Variants in TAFA5 observed in about 807,000 individuals in gnomAD.
TAFA5 encodes TAFA chemokine like family member 5, also known as chemokine-like protein TAFA-5.
TAFA5 carries 6 observed loss-of-function variants against 15.3 expected under a neutral mutation model. The ratio of observed to expected loss-of-function variants is 0.39; its 90% CI spans 0.21 to 0.77. The LOEUF is 0.77. Ranked by LOEUF, TAFA5 falls within the 30% of genes least tolerant of loss-of-function variation. The pLI, the probability that TAFA5 is intolerant of heterozygous loss-of-function variation, is 0.41. For missense variants in TAFA5, 161 were observed against 193.1 expected, an observed-to-expected ratio of 0.83 and a Z score of 0.98; for synonymous variants, 103 against 80.7, an observed-to-expected ratio of 1.28 and a Z score of -1.48.
chr22:48,526,983 C>T (rs1921802279), intron 1 of TAFA5, among the ~76,000 whole-genome samples: 1 of 152,152 alleles, frequency 6.6e-6, no homozygotes, highest in Non-Finnish European at 1.5e-5. Context: ...ATTCCTTTCC[C>T]TTAATATATT....
intron 1 of TAFA5, among the ~76,000 whole-genome samples, chr22:48,644,855 C>T (rs770976920): frequency 4.6e-5 from 7 of 152,334 alleles, no homozygotes; most frequent in African/African-American, 7.2e-5. Flanking sequence ...GCACCCACCA[C>T]GGCTTTCCTC....
intron 1 of TAFA5, chr22:48,544,386 C>T (rs2147122523): frequency 2.9e-6 from 1 of 340,928 alleles, no homozygotes; most frequent in East Asian, 7.6e-5. Flanking sequence ...GCAGTTCAGG[C>T]TCTGTCCCCA....
intron 2 of TAFA5, among the ~76,000 whole-genome samples, chr22:48,707,510 G>T (rs1252970274): frequency 2.0e-5 from 3 of 152,166 alleles, no homozygotes; most frequent in Non-Finnish European, 4.4e-5. Context: ...GGCAGAGCGG[G>T]ACTTGGGGAG....
chr22:48,715,537 T>C (rs1483319176), intron 3 of TAFA5, among the ~76,000 whole-genome samples: 7 of 152,210 alleles, frequency 4.6e-5, no homozygotes, highest in African/African-American at 1.7e-4. Context: ...CTCTGCTTCC[T>C]CTCCCTGGCT....
intron 1 of TAFA5, among the ~76,000 whole-genome samples, chr22:48,591,268 AGAG>A (rs1164707734): frequency 6.6e-6 from 1 of 152,242 alleles, no homozygotes; most frequent in Non-Finnish European, 1.5e-5. Context: ...TGAGCCAGGA[AGAG>A]GAGAAGCTTC....
chr22:48,591,438 T>C (rs1924564101), intron 1 of TAFA5, among the ~76,000 whole-genome samples: 1 of 152,244 alleles, frequency 6.6e-6, no homozygotes, highest in Non-Finnish European at 1.5e-5. Context: ...CCCCAGGGCT[T>C]GCGATGCCTC....
At chr22:48,656,418 A>G (rs1927245551) in intron 2 of TAFA5, among the ~76,000 whole-genome samples, 1 of 151,864 alleles carries the variant, frequency 6.6e-6, no homozygotes, top group Admixed American at 6.6e-5. Context: ...AGGCAGGAGA[A>G]TTGCTTGAAC....
intron 1 of TAFA5, among the ~76,000 whole-genome samples, chr22:48,494,983 C>G (rs941254632): frequency 6.6e-6 from 1 of 152,238 alleles, no homozygotes; most frequent in Non-Finnish European, 1.5e-5. Flanking sequence ...TCTGGAATCC[C>G]CTGGTCCTCC....
chr22:48,512,401 G>A (rs1196807135), intron 1 of TAFA5, among the ~76,000 whole-genome samples: 1 of 152,146 alleles, frequency 6.6e-6, no homozygotes, highest in African/African-American at 2.4e-5. Flanking sequence ...GAGGTCAGGA[G>A]TTCGAGACCA....
At chr22:48,506,783 C>T (rs920995201) in intron 1 of TAFA5, among the ~76,000 whole-genome samples, 2 of 152,218 alleles carry the variant, frequency 1.3e-5, no homozygotes, top group Admixed American at 6.5e-5. Flanking sequence ...GCGGGGGTCC[C>T]CAACCACCAG....
chr22:48,659,841 C>T (rs1407846609), intron 2 of TAFA5, among the ~76,000 whole-genome samples: 1 of 152,256 alleles, frequency 6.6e-6, no homozygotes, highest in African/African-American at 2.4e-5. Flanking sequence ...GATGAACATA[C>T]AGTCCCCATG....
At chr22:48,520,771 T>C (rs887612802) in intron 1 of TAFA5, among the ~76,000 whole-genome samples, 1 of 152,046 alleles carries the variant, frequency 6.6e-6, no homozygotes, top group Non-Finnish European at 1.5e-5. Flanking sequence ...AGAAACTGCT[T>C]CCATGTCCTC....
intron 2 of TAFA5, among the ~76,000 whole-genome samples, chr22:48,677,787 G>A (rs1170899108): frequency 6.6e-6 from 1 of 152,170 alleles, no homozygotes; most frequent in Non-Finnish European, 1.5e-5. Context: ...TCCCCCTCCT[G>A]GATGACAGGC....
At chr22:48,677,681 G>T (rs1569075364) in intron 2 of TAFA5, among the ~76,000 whole-genome samples, 1 of 152,196 alleles carries the variant, frequency 6.6e-6, no homozygotes, top group Non-Finnish European at 1.5e-5. Flanking sequence ...AGAGGAAGCA[G>T]CTCCTGGTTG....
At chr22:48,554,671 G>C (rs1922968108) in intron 1 of TAFA5, among the ~76,000 whole-genome samples, 1 of 152,136 alleles carries the variant, frequency 6.6e-6, no homozygotes, top group Non-Finnish European at 1.5e-5. Flanking sequence ...AAAAGCTATT[G>C]TTTTAACAGA....
chr22:48,689,687 C>T (rs4925436), intron 2 of TAFA5, among the ~76,000 whole-genome samples: 85,612 of 151,900 alleles, frequency 0.56, 24,407 homozygotes, highest in Middle Eastern at 0.61. Flanking sequence ...CCCCCACCCA[C>T]TCACCCCAGC....
intron 1 of TAFA5, among the ~76,000 whole-genome samples, chr22:48,604,234 A>G (rs1925077570): frequency 6.6e-6 from 1 of 152,020 alleles, no homozygotes; most frequent in Admixed American, 6.5e-5. Flanking sequence ...GAGTGTTTAC[A>G]TCTCAGGCAC....
rs1257346340 is a variant in TAFA5 at position 48,530,157 on chromosome 22, G to A, written c.112+40453G>A. The stretch of plus-strand genomic sequence containing the variant: ...GTACCACCTGCTCTGTCTCCATGGC[G>A]ACTCGAGGAGGAGGAGGCTGGGCCT... On this transcript the variant is annotated intron_variant, in intron 1 of 3. Transcript: ENST00000402357. The surrounding 1 kb of genome is among the most constrained non-coding windows in gnomAD (Gnocchi z 6.0). Among the ~76,000 whole-genome samples, 3 of 152,130 alleles carry A rather than the reference G, an allele frequency of 2.0e-5. No homozygotes were observed. The highest frequency in any genetic ancestry group is 2.9e-5 in the Non-Finnish European group (2 of 68,022).
chr22:48,736,631 C>T (rs1246330902), intron 3 of TAFA5, among the ~76,000 whole-genome samples: 1 of 152,246 alleles, frequency 6.6e-6, no homozygotes, highest in Non-Finnish European at 1.5e-5. Context: ...TCATATACAG[C>T]CATGACTGGA....
Sources: gnomAD v4.1 joint callset for allele counts (sites outside exome capture counted in the v4.1 genomes callset) on GRCh38, gnomAD v4.1.1 for gene constraint, Gnocchi (gnomAD v3.1) non-coding constraint, MANE v1.5 for transcripts, NCBI Gene and HGNC (gene_info 2026-07-23, HGNC 2026-07-21) for gene names.